Variants in DLG2 observed in about 807,000 individuals in gnomAD.
The protein encoded by DLG2 is discs large MAGUK scaffold protein 2.
DLG2 carries 45 observed loss-of-function variants against 132.5 expected under a neutral mutation model. The ratio of observed to expected loss-of-function variants is 0.34; its 90% confidence interval spans 0.27 to 0.44. The LOEUF is 0.44. Ranked by LOEUF, DLG2 falls within the 20% of genes least tolerant of loss-of-function variation. The probability of loss-of-function intolerance (pLI) is 1.00; values close to 1 mark genes in which losing one functional copy is unlikely to be tolerated. For synonymous variants in DLG2, 424 were observed against 419.6 expected (o/e 1.01, Z -0.13); for missense variants, 1,045 against 1,196.9 (o/e 0.87, Z 1.87).
chr11:84,907,345 G>A (rs1427067328), intron 6 of DLG2, among the ~76,000 whole-genome samples: 1 of 152,276 alleles, frequency 6.6e-6, no homozygotes, highest in Non-Finnish European at 1.5e-5. Flanking sequence ...AGAAAGTTGA[G>A]GGTTTTGTTT....
intron 4 of DLG2, among the ~76,000 whole-genome samples, chr11:85,170,664 G>A (rs192634318): frequency 6.6e-6 from 1 of 152,266 alleles, no homozygotes; most frequent in African/African-American, 2.4e-5. Flanking sequence ...ACTATCTGAG[G>A]CTGGTATTGC....
chr11:85,494,486 C>A (rs1012693030), intron 3 of DLG2, among the ~76,000 whole-genome samples: 1 of 151,668 alleles, frequency 6.6e-6, no homozygotes, highest in Admixed American at 6.6e-5. Flanking sequence ...AAAGCATACA[C>A]AAACAAGATT....
intron 7 of DLG2, among the ~76,000 whole-genome samples, chr11:84,386,648 A>G (rs1411213262): frequency 6.6e-6 from 1 of 152,118 alleles, no homozygotes; most frequent in Non-Finnish European, 1.5e-5. Flanking sequence ...TTGTTTTGTA[A>G]ATACTGTTAG....
intron 6 of DLG2, among the ~76,000 whole-genome samples, chr11:85,025,081 GTGAA>G (rs2060402499): frequency 6.6e-6 from 1 of 152,172 alleles, no homozygotes. Flanking sequence ...ATGCTTAGTT[GTGAA>G]TGAATGACCA....
intron 9 of DLG2, 36 bp downstream of exon 9, chr11:84,163,425 G>C (rs753302902): frequency 6.4e-7 from 1 of 1,556,636 alleles, no homozygotes; most frequent in East Asian, 2.3e-5. Flanking sequence ...TGAAATGCAA[G>C]ATTGGGGCTT....
chr11:85,287,364 G>C (rs935273612), intron 3 of DLG2, among the ~76,000 whole-genome samples: 2 of 152,052 alleles, frequency 1.3e-5, no homozygotes, highest in Admixed American at 6.6e-5. Flanking sequence ...TAAAAGTTAT[G>C]AGCAGGCATT....
At chr11:84,794,399 G>A (rs2074277416) in intron 6 of DLG2, among the ~76,000 whole-genome samples, 1 of 152,180 alleles carries the variant, frequency 6.6e-6, no homozygotes, top group Non-Finnish European at 1.5e-5. Flanking sequence ...TGTACTCCAT[G>A]GAGCCAGTGG....
At chr11:83,589,022 C>G (rs1217838995) in intron 19 of DLG2, among the ~76,000 whole-genome samples, 1 of 146,484 alleles carries the variant, frequency 6.8e-6, no homozygotes, top group African/African-American at 2.5e-5. Context: ...GACTGGTGTA[C>G]CTGAAAGTGA....
intron 6 of DLG2, among the ~76,000 whole-genome samples, chr11:84,985,889 G>A (rs1208558560): frequency 1.3e-5 from 2 of 150,536 alleles, no homozygotes; most frequent in Non-Finnish European, 3.0e-5. Flanking sequence ...CTGCTCAGGA[G>A]GGTGGGGCAG....
intron 3 of DLG2, among the ~76,000 whole-genome samples, chr11:85,484,104 G>C (rs2093365713): frequency 6.6e-6 from 1 of 152,040 alleles, no homozygotes; most frequent in Non-Finnish European, 1.5e-5. Context: ...ACTTTGAAGA[G>C]AGAGTACAAG....
intron 18 of DLG2, among the ~76,000 whole-genome samples, chr11:83,637,093 T>C (rs987645905): frequency 6.6e-6 from 1 of 152,176 alleles, no homozygotes; most frequent in Non-Finnish European, 1.5e-5. Context: ...TAGTTAGAAA[T>C]GCTCTAGAAG....
At chr11:84,529,545 A>G (rs2099330221) in intron 7 of DLG2, among the ~76,000 whole-genome samples, 1 of 152,188 alleles carries the variant, frequency 6.6e-6, no homozygotes, top group Admixed American at 6.5e-5. Flanking sequence ...CATTTACAAT[A>G]GCCACAAAAA....
chr11:84,438,381 G>A (rs960261469), intron 7 of DLG2, among the ~76,000 whole-genome samples: 3 of 152,002 alleles, frequency 2.0e-5, no homozygotes, highest in Non-Finnish European at 4.4e-5. Context: ...CTCTATTACA[G>A]GACGATTTTT....
At chr11:83,793,713 ATACCTACCTACC>A (rs767158980) in intron 17 of DLG2, among the ~76,000 whole-genome samples, 1 of 152,158 alleles carries the variant, frequency 6.6e-6, no homozygotes, top group Admixed American at 6.5e-5. Flanking sequence ...TAAAATGAGT[ATACCTACCTACC>A]TACCTACCTA....
intron 6 of DLG2, among the ~76,000 whole-genome samples, chr11:85,101,728 C>A (rs999186152): frequency 1.3e-5 from 2 of 152,064 alleles, no homozygotes; most frequent in Admixed American, 6.6e-5. Context: ...CTGTAGCACA[C>A]AGCTCTGTCA....
chr11:84,835,487 G>T (rs1385186383), intron 6 of DLG2, among the ~76,000 whole-genome samples: 1 of 151,622 alleles, frequency 6.6e-6, no homozygotes, highest in Non-Finnish European at 1.5e-5. Flanking sequence ...ATATGAAAAG[G>T]TTAGCATAAT....
chr11:85,056,291 A>G (rs770958444), intron 6 of DLG2, among the ~76,000 whole-genome samples: 10 of 152,100 alleles, frequency 6.6e-5, no homozygotes, highest in Non-Finnish European at 7.4e-5. Context: ...AGATGTAGAA[A>G]GTAGCAAATT....
At chr11:83,754,306 A>C (rs920881824) in intron 18 of DLG2, among the ~76,000 whole-genome samples, 2 of 151,234 alleles carry the variant, frequency 1.3e-5, no homozygotes, top group African/African-American at 4.9e-5. Flanking sequence ...CTACTATTGT[A>C]TAAATAGTAG....
intron 3 of DLG2, among the ~76,000 whole-genome samples, chr11:85,471,520 A>G (rs1353724339): frequency 1.3e-5 from 2 of 152,228 alleles, no homozygotes; most frequent in Non-Finnish European, 2.9e-5. Flanking sequence ...TGAAGGAAAA[A>G]TAGACAAATT....
Sources: allele counts gnomAD v4.1 joint callset (sites outside exome capture counted in the v4.1 genomes callset), GRCh38; gene constraint gnomAD v4.1.1; transcripts MANE v1.5; gene names NCBI Gene and HGNC (gene_info 2026-07-23, HGNC 2026-07-21).